Variants in CCDC82 observed in about 807,000 individuals in gnomAD.
CCDC82 encodes coiled-coil domain-containing protein 82.
CCDC82 carries 47 observed loss-of-function variants against 60.6 expected under a neutral mutation model. The observed-to-expected ratio is 0.77, with a 90% CI of 0.61 to 0.99. The LOEUF is 0.99. Ranked by LOEUF, CCDC82 falls within the 50% of genes least tolerant of loss-of-function variation. CCDC82 has a pLI of 0.00. For missense variants in CCDC82, 588 were observed against 633.0 expected, an observed-to-expected ratio of 0.93 and a Z score of 0.76; for synonymous variants, 212 against 207.4, an observed-to-expected ratio of 1.02 and a Z score of -0.19.
At position 96,353,511 on chromosome 11, in the gene CCDC82, A is replaced by G. The variant is rs1031068048; in HGVS notation, c.*135T>C. 1.5e-5 allele frequency: 10 copies of G among 688,222 alleles called. No homozygotes were observed. Among genetic ancestry groups the G allele is most frequent in the Non-Finnish European group, 2.5e-5 (10 of 395,678 alleles). The allele number at this position is 688,222 out of a possible 1,614,324, so 42.6% of individuals were successfully genotyped here. On this transcript the variant is annotated 3_prime_UTR_variant, in exon 10 of 10. Coordinates refer to ENST00000646818, the MANE Select transcript of CCDC82 (RefSeq NM_024725.4). ...AGTGCCACTTCACAGGAATTAAGAT[A>G]ATCATGTTTTAAACAAAATATTTTG...
intron 9 of CCDC82, chr11:96,358,621 TA>T (rs1486362723): frequency 3.2e-6 from 4 of 1,236,100 alleles, no homozygotes; most frequent in Non-Finnish European, 4.0e-6. Flanking sequence ...AGAACTGTTC[TA>T]AAGAATAGGA....
chr11:96,364,606 T>C (rs1864848978), intron 8 of CCDC82: 1 of 154,102 alleles, frequency 6.5e-6, no homozygotes, highest in African/African-American at 2.4e-5. Flanking sequence ...TAAAGTAAGA[T>C]TGAAAAAATA....
intron 9 of CCDC82, 179 bp from the exon 10 acceptor site, chr11:96,353,893 T>C (rs528725376): frequency 1.2e-4 from 55 of 449,144 alleles, no homozygotes; most frequent in Non-Finnish European, 2.0e-4. Flanking sequence ...ATATAACTCA[T>C]ATATTTCCAT....
Position 96,383,179 on chromosome 11 carries a change from AT to A in CCDC82, c.991+89del, listed in dbSNP as rs1248496499. ...ATGAAACCACAGTTTCTAGTCAATGATTTAGAACATGATATTAAAAGGCTAA... is the reference window on the plus strand; with the variant it reads ...ATGAAACCACAGTTTCTAGTCAATGATTAGAACATGATATTAAAAGGCTAA... On this transcript the variant is annotated intron_variant, in intron 5 of 9. Coordinates refer to ENST00000646818, the MANE Select transcript of CCDC82 (RefSeq NM_024725.4). The A allele has an allele frequency of 1.4e-5, 11 of 790,998 alleles. No homozygotes were observed. The South Asian group carries it at 1.7e-4, about 12-fold the overall frequency. 49.0% of individuals were successfully genotyped at this position (790,998 alleles called of 1,614,324 possible). A position where few individuals can be genotyped will look rare whatever the true frequency, so the allele number is the denominator to read the frequency against.
chr11:96,383,964 C>G lies in CCDC82; in HGVS notation c.784G>C (p.Glu262Gln). ...RQRRSSGRDF[E>Q]DSEKESCPSS... is the part of the protein sequence containing the mutation. ...AAATCCAACAAAATATAACACACCTCAAAATCTCTACCACTACTGCGTCTC... is the reference window on the plus strand; with the variant it reads ...AAATCCAACAAAATATAACACACCTGAAAATCTCTACCACTACTGCGTCTC... Residue 262 changes from glutamate to glutamine, a missense_variant and splice_region_variant, in exon 4 of 10, where the codon GAG becomes CAG. Physicochemically the swap from Glu to Gln is conservative, Grantham distance 29. Coordinates refer to ENST00000646818, the MANE Select transcript of CCDC82 (RefSeq NM_024725.4). 1 of 1,602,208 alleles carries G rather than the reference C, an allele frequency of 6.2e-7. No individual in the cohort carries two copies. Among genetic ancestry groups the G allele is most frequent in the South Asian group, 1.1e-5 (1 of 88,168 alleles).
At chr11:96,369,863 A>G (rs1865166666) in intron 7 of CCDC82, among the ~76,000 whole-genome samples, 1 of 152,244 alleles carries the variant, frequency 6.6e-6, no homozygotes, top group African/African-American at 2.4e-5. Flanking sequence ...GTATGCTTAT[A>G]TATGCTATTT....
chr11:96,373,310 T>C, intron 6 of CCDC82, 65 bp downstream of exon 6: 5 of 985,686 alleles, frequency 5.1e-6, no homozygotes, highest in Non-Finnish European at 6.3e-6. Context: ...GTTTTAAAAG[T>C]GAGGTTGTTT....
At chr11:96,377,239 G>C (rs536922665) in intron 5 of CCDC82, among the ~76,000 whole-genome samples, 1 of 152,110 alleles carries the variant, frequency 6.6e-6, no homozygotes, top group Non-Finnish European at 1.5e-5. Flanking sequence ...AGAATGTGAT[G>C]CAAGCCATGA....
At chr11:96,360,694 T>A (rs1864614309) in intron 8 of CCDC82, among the ~76,000 whole-genome samples, 1 of 152,222 alleles carries the variant, frequency 6.6e-6, no homozygotes, top group South Asian at 2.1e-4. Context: ...TTAATATTTA[T>A]CTATGCAACT....
At chr11:96,358,707 A>T in intron 9 of CCDC82, 1 of 1,157,354 alleles carries the variant, frequency 8.6e-7, no homozygotes, top group Non-Finnish European at 1.1e-6. Context: ...TATATATGTA[A>T]GCAATACATA....
intron 9 of CCDC82, chr11:96,358,685 CA>C: frequency 1.1e-6 from 1 of 897,948 alleles, no homozygotes; most frequent in Non-Finnish European, 1.5e-6. Flanking sequence ...AAAAAAAAAT[CA>C]GGGGACTTAA....
At chr11:96,384,953 A>G (rs889653705) in intron 3 of CCDC82, 192 bp from the exon 4 acceptor site, 1 of 483,458 alleles carries the variant, frequency 2.1e-6, no homozygotes, top group African/African-American at 2.0e-5. Flanking sequence ...AAATAATTAT[A>G]TGAACATCTA....
At chr11:96,387,062 A>G (rs1389557457) in intron 2 of CCDC82, 3 of 152,254 alleles carry the variant, frequency 2.0e-5, no homozygotes, top group Non-Finnish European at 4.4e-5. Flanking sequence ...AAGTGTGCAT[A>G]TGTGCACGTG....
At chr11:96,383,227 A>T (rs576970000) in intron 5 of CCDC82, 42 bp downstream of exon 5, 2 of 1,119,660 alleles carry the variant, frequency 1.8e-6, no homozygotes, top group East Asian at 4.7e-5. Flanking sequence ...ATAAAATATC[A>T]TGAGAACAAT....
intron 5 of CCDC82, among the ~76,000 whole-genome samples, chr11:96,375,718 T>C (rs1865537102): frequency 6.6e-6 from 1 of 152,230 alleles, no homozygotes; most frequent in Admixed American, 6.5e-5. Flanking sequence ...TAAGTCCAGA[T>C]TTCATGTTCC....
intron 5 of CCDC82, among the ~76,000 whole-genome samples, chr11:96,377,167 A>G (rs1865619047): frequency 6.6e-6 from 1 of 152,228 alleles, no homozygotes; most frequent in Non-Finnish European, 1.5e-5. Context: ...AGGCAGAACA[A>G]GAAACTGATT....
rs1392718802 is a variant in CCDC82 at position 96,357,422 on chromosome 11, G to A, written c.1566+1571C>T. 1.2e-5 allele frequency: 12 copies of A among 985,116 alleles called. No homozygotes were observed. The East Asian group carries it at 3.4e-4, about 28-fold the overall frequency. The allele number at this position is 985,116 out of a possible 1,614,324, so 61.0% of individuals were successfully genotyped here. ...TTCTTTATGTATAACATGACACTTGGCTTTCTTGAAAAGAAAGCCTAAGCT... is the reference window on the plus strand; with the variant it reads ...TTCTTTATGTATAACATGACACTTGACTTTCTTGAAAAGAAAGCCTAAGCT... On this transcript the variant is annotated intron_variant, in intron 9 of 9. Transcript: ENST00000646818.
At chr11:96,373,346 C>A in intron 6 of CCDC82, 29 bp downstream of exon 6, 3 of 1,347,690 alleles carry the variant, frequency 2.2e-6, no homozygotes, top group East Asian at 2.3e-5. Flanking sequence ...AAATAAAAAC[C>A]AATTGTTTCA....
intron 9 of CCDC82, chr11:96,356,638 GCATT>G: frequency 1.0e-6 from 1 of 953,594 alleles, no homozygotes; most frequent in Non-Finnish European, 1.2e-6. Flanking sequence ...AATAAGACAT[GCATT>G]ATTATGTTTA....
Sources: allele counts gnomAD v4.1 joint callset (sites outside exome capture counted in the v4.1 genomes callset), GRCh38; gene constraint gnomAD v4.1.1; transcripts MANE v1.5; gene names NCBI Gene and HGNC (gene_info 2026-07-23, HGNC 2026-07-21).